The following CNTN4 variants were observed in gnomAD, a reference collection of about 807,000 sequenced individuals.
The protein encoded by CNTN4 is contactin-4.
A neutral mutation model predicts 122.5 loss-of-function variants in CNTN4; 77 were observed. The observed-to-expected ratio is 0.63, with a 90% CI of 0.52 to 0.76. The LOEUF is 0.76. Among genes scored for constraint, CNTN4 ranks in the 30% least tolerant of loss-of-function variants. The probability of loss-of-function intolerance (pLI) is 0.00; values close to 1 mark genes in which losing one functional copy is unlikely to be tolerated. For synonymous variants in CNTN4, 512 were observed against 447.0 expected (o/e 1.15, Z -1.83); for missense variants, 1,256 against 1,259.1 (o/e 1.00, Z 0.04).
At chr3:2,762,484 G>A (rs912007455) in intron 6 of CNTN4, among the ~76,000 whole-genome samples, 3 of 152,040 alleles carry the variant, frequency 2.0e-5, no homozygotes, top group Non-Finnish European at 2.9e-5. Flanking sequence ...CTGTTCCTGC[G>A]TTAGTTTGCT....
chr3:2,102,551 T>G (rs1457286617), intron 2 of CNTN4, among the ~76,000 whole-genome samples: 1 of 152,204 alleles, frequency 6.6e-6, no homozygotes, highest in Non-Finnish European at 1.5e-5. Context: ...TGGGTGATCA[T>G]GGCAGTACTC....
At chr3:2,389,022 G>T (rs149261421) in intron 3 of CNTN4, among the ~76,000 whole-genome samples, 1 of 150,980 alleles carries the variant, frequency 6.6e-6, no homozygotes, top group African/African-American at 2.4e-5. Context: ...TTAGCCAGGC[G>T]TGGTGGTGTG....
At chr3:2,247,652 G>C (rs1399021473) in intron 2 of CNTN4, among the ~76,000 whole-genome samples, 1 of 151,966 alleles carries the variant, frequency 6.6e-6, no homozygotes. Flanking sequence ...CTAAAACTGA[G>C]CTATGGGGCA....
chr3:2,273,647 T>C (rs2041387318), intron 2 of CNTN4, among the ~76,000 whole-genome samples: 2 of 152,166 alleles, frequency 1.3e-5, no homozygotes, highest in Non-Finnish European at 2.9e-5. Context: ...TGAGCCTGCC[T>C]AGTAAAGGAA....
intron 5 of CNTN4, among the ~76,000 whole-genome samples, chr3:2,739,734 T>G (rs78786150): frequency 0.016 from 2,370 of 152,334 alleles, 58 homozygotes; most frequent in African/African-American, 0.054. Flanking sequence ...CAAGGAAGCC[T>G]TCATAAGAAA....
At chr3:2,109,361 A>G (rs921271313) in intron 2 of CNTN4, among the ~76,000 whole-genome samples, 2 of 152,120 alleles carry the variant, frequency 1.3e-5, no homozygotes, top group African/African-American at 4.8e-5. Flanking sequence ...TCCATTATTA[A>G]TCATTATTCC....
chr3:2,455,653 C>G (rs6809308), intron 3 of CNTN4, among the ~76,000 whole-genome samples: 3,428 of 152,116 alleles, frequency 0.023, 125 homozygotes, highest in African/African-American at 0.078. Flanking sequence ...AAAAAATATG[C>G]AAAGTTAAAT....
intron 14 of CNTN4, 125 bp from the exon 15 acceptor site, chr3:3,025,977 C>G: frequency 4.3e-6 from 4 of 924,642 alleles, no homozygotes; most frequent in Non-Finnish European, 6.8e-6. Flanking sequence ...TTGCTGGTCA[C>G]AGCCTCAGAA....
chr3:2,390,117 A>G (rs186135344), intron 3 of CNTN4, among the ~76,000 whole-genome samples: 105 of 152,194 alleles, frequency 6.9e-4, no homozygotes, highest in African/African-American at 2.1e-3. Flanking sequence ...GTGGTTATTG[A>G]AGAAAATTTC....
At chr3:2,655,916 T>G (rs1411439795) in intron 4 of CNTN4, among the ~76,000 whole-genome samples, 3 of 152,210 alleles carry the variant, frequency 2.0e-5, no homozygotes, top group Non-Finnish European at 4.4e-5. Flanking sequence ...AGGAAGCTGA[T>G]TTGTTTGCAA....
chr3:2,155,746 C>CTG (rs2035691396), intron 2 of CNTN4, among the ~76,000 whole-genome samples: 1 of 152,114 alleles, frequency 6.6e-6, no homozygotes, highest in African/African-American at 2.4e-5. Flanking sequence ...TTCGCTTCCT[C>CTG]CAACACAGCT....
chr3:2,865,249 T>A (rs150724745), intron 7 of CNTN4, among the ~76,000 whole-genome samples: 173 of 152,282 alleles, frequency 1.1e-3, no homozygotes, highest in Non-Finnish European at 1.9e-3. Flanking sequence ...AATGTTATAA[T>A]CCAGTGATAA....
In CNTN4 at chr3:2,898,659, G is replaced by A. The variant is rs149739117; in HGVS notation, c.941-2026G>A. On this transcript the variant is annotated intron_variant, in intron 10 of 24. Coordinates refer to ENST00000418658, the MANE Select transcript of CNTN4 (RefSeq NM_175607.3). The stretch of plus-strand genomic sequence containing the variant: ...GACATTGAAATCTCTCTCTCTGCAT[G>A]TGATTTTGATGTTTCCTTTTTGAAC... 6.0e-3 allele frequency among the ~76,000 whole-genome samples: 921 copies of A among 152,324 alleles called. 7 individuals carry two copies. The highest frequency in any genetic ancestry group is 6.3e-3 in the Non-Finnish European group (429 of 68,036).
intron 13 of CNTN4, among the ~76,000 whole-genome samples, chr3:2,968,840 C>T (rs968636066): frequency 6.6e-6 from 1 of 152,170 alleles, no homozygotes; most frequent in African/African-American, 2.4e-5. Context: ...GATGCATCAT[C>T]TATGGACACA....
intron 14 of CNTN4, among the ~76,000 whole-genome samples, chr3:3,004,782 C>T (rs909174972): frequency 3.9e-5 from 6 of 152,156 alleles, no homozygotes; most frequent in Admixed American, 6.5e-5. Flanking sequence ...GCCAAATGGC[C>T]GCATTCTGCT....
At chr3:3,000,322 G>C (rs1238087077) in intron 14 of CNTN4, among the ~76,000 whole-genome samples, 1 of 148,358 alleles carries the variant, frequency 6.7e-6, no homozygotes, top group Non-Finnish European at 1.5e-5. Flanking sequence ...CTTAAAGAGT[G>C]ACAACTGGGA....
At chr3:2,543,918 T>A (rs908253112) in intron 3 of CNTN4, among the ~76,000 whole-genome samples, 14 of 152,128 alleles carry the variant, frequency 9.2e-5, no homozygotes, top group African/African-American at 3.4e-4. Flanking sequence ...TCAAGAGCTA[T>A]CTTGGTATGA....
chr3:2,232,712 T>C (rs1218513719), intron 2 of CNTN4, among the ~76,000 whole-genome samples: 1 of 152,210 alleles, frequency 6.6e-6, no homozygotes, highest in Admixed American at 6.5e-5. Context: ...CTTTTGATCT[T>C]TGCCAACTCA....
intron 3 of CNTN4, among the ~76,000 whole-genome samples, chr3:2,504,552 T>A (rs1365271942): frequency 1.3e-5 from 2 of 152,170 alleles, no homozygotes; most frequent in South Asian, 2.1e-4. Flanking sequence ...ACCATTCTTA[T>A]AACAAATGAC....
Sources: allele counts gnomAD v4.1 joint callset (sites outside exome capture counted in the v4.1 genomes callset), GRCh38; gene constraint gnomAD v4.1.1; transcripts MANE v1.5; gene names NCBI Gene and HGNC (gene_info 2026-07-23, HGNC 2026-07-21).